Variants in IFI16 observed in about 807,000 individuals in gnomAD.
IFI16 encodes the protein gamma-interferon-inducible protein 16.
A neutral mutation model predicts 68.4 loss-of-function variants in IFI16; 49 were observed. That is an observed-to-expected ratio of 0.72 (90% confidence interval 0.57 to 0.91). The LOEUF (loss-of-function observed/expected upper bound fraction) is 0.91, where lower values mean the gene tolerates loss of function less well. Among genes scored for constraint, IFI16 ranks in the 40% least tolerant of loss-of-function variants. The probability of loss-of-function intolerance (pLI) is 0.00; values close to 1 mark genes in which losing one functional copy is unlikely to be tolerated. For synonymous variants in IFI16, 307 were observed against 315.0 expected (o/e 0.97, Z 0.27); for missense variants, 878 against 942.9 (o/e 0.93, Z 0.90).
chr1:159,013,121 C>A (rs1652677947), intron 1 of IFI16, among the ~76,000 whole-genome samples: 1 of 148,062 alleles, frequency 6.8e-6, no homozygotes, highest in Non-Finnish European at 1.5e-5. Flanking sequence ...TTCTCTGGAC[C>A]TTTTCAGTCC....
At chr1:159,015,282 C>T (rs1652848906) in intron 2 of IFI16, among the ~76,000 whole-genome samples, 1 of 152,068 alleles carries the variant, frequency 6.6e-6, no homozygotes, top group Admixed American at 6.6e-5. Context: ...TACATTTAGC[C>T]AATGAATGTA....
In IFI16 at chr1:159,055,068, G is replaced by GT. The variant is rs912956424; in HGVS notation, c.*176dup. ...GGGAGTGCTTTTTTAATTTTTCATA[G>GT]TTTTTTTTTAATAAAATGGCATATT... On this transcript the variant is annotated 3_prime_UTR_variant, in exon 12 of 12. Coordinates refer to ENST00000295809, the MANE Select transcript of IFI16 (RefSeq NM_001376587.1). 445 of 395,168 alleles carry GT rather than the reference G, an allele frequency of 1.1e-3. No individual in the cohort carries two copies. The highest frequency in any genetic ancestry group is 1.4e-3 in the South Asian group (12 of 8,636). The allele number at this position is 395,168 out of a possible 1,614,324, so 24.5% of individuals were successfully genotyped here. A position where few individuals can be genotyped will look rare whatever the true frequency, so the allele number is the denominator to read the frequency against.
intron 9 of IFI16, among the ~76,000 whole-genome samples, chr1:159,051,041 A>AT (rs1655325743): frequency 6.6e-6 from 1 of 151,986 alleles, no homozygotes; most frequent in African/African-American, 2.4e-5. Context: ...TAGTAATATG[A>AT]TTTTTTTCTC....
intron 6 of IFI16, among the ~76,000 whole-genome samples, chr1:159,026,637 C>A (rs60958912): frequency 1.3e-5 from 2 of 151,930 alleles, no homozygotes; most frequent in Non-Finnish European, 2.9e-5. Flanking sequence ...TACCCATCCC[C>A]GAGCATAGGA....
chr1:159,017,240 T>G (rs1413687597), intron 4 of IFI16, among the ~76,000 whole-genome samples: 1 of 152,178 alleles, frequency 6.6e-6, no homozygotes, highest in Non-Finnish European at 1.5e-5. Context: ...TGAGAAAGGC[T>G]ATGGTGGTGG....
chr1:159,005,097 C>T (rs76754363), upstream of IFI16, among the ~76,000 whole-genome samples: 7,056 of 152,150 alleles, frequency 0.046, 551 homozygotes, highest in African/African-American at 0.16. Flanking sequence ...CTCTAACGGG[C>T]ATGTAGGGGG....
upstream of IFI16, among the ~76,000 whole-genome samples, chr1:159,009,738 G>A (rs7511661): frequency 6.6e-6 from 1 of 152,100 alleles, no homozygotes; most frequent in Admixed American, 6.5e-5. Context: ...ATTTCAGTGT[G>A]CACATCACCC....
At chr1:159,008,856 A>C (rs1652375836), upstream of IFI16, 1 of 152,234 alleles carries the variant, frequency 6.6e-6, no homozygotes, top group African/African-American at 2.4e-5. Flanking sequence ...GGATTAAAAC[A>C]ATCAGCTTTC....
At chr1:159,029,936 C>G (rs2101864946) in intron 6 of IFI16, among the ~76,000 whole-genome samples, 1 of 148,792 alleles carries the variant, frequency 6.7e-6, no homozygotes, top group Middle Eastern at 3.4e-3. Flanking sequence ...CCTGCCTCAG[C>G]CTCCCAAAGT....
chr1:159,034,408 A>G (rs556835604), intron 7 of IFI16, among the ~76,000 whole-genome samples: 86 of 152,308 alleles, frequency 5.6e-4, no homozygotes, highest in African/African-American at 1.9e-3. Context: ...TTGTTGATCC[A>G]GGTGTAGAGA....
intron 7 of IFI16, among the ~76,000 whole-genome samples, chr1:159,042,857 C>T (rs1333276761): frequency 6.6e-6 from 1 of 152,142 alleles, no homozygotes; most frequent in Admixed American, 6.5e-5. Flanking sequence ...TGATATCACC[C>T]CCTGTGTTAC....
At chr1:159,032,733 A>C in intron 7 of IFI16, 42 bp downstream of exon 7, 1 of 1,476,840 alleles carries the variant, frequency 6.8e-7, no homozygotes, top group South Asian at 1.3e-5. Context: ...TCCCCACCAT[A>C]ATTTACAGGG....
Position 159,027,817 on chromosome 1 carries a change from T to G in IFI16, c.1162-4707T>G, listed in dbSNP as rs1291706865. Among the ~76,000 whole-genome samples the G allele has an allele frequency of 2.6e-5, 4 of 152,228 alleles. No individual in the cohort carries two copies. In the East Asian group the frequency reaches 7.7e-4, roughly 29 times the overall value. ...GCACATAAAGATGTTCATAGTTGCA[T>G]TGAATGATCTTTTGTATTTGTGTGA... On this transcript the variant is annotated intron_variant, in intron 6 of 11. Transcript: ENST00000295809.
At chr1:159,041,060 G>C (rs1654605231) in intron 7 of IFI16, among the ~76,000 whole-genome samples, 1 of 152,164 alleles carries the variant, frequency 6.6e-6, no homozygotes, top group South Asian at 2.1e-4. Flanking sequence ...TCTCATCAGA[G>C]AGCCACAGCA....
chr1:159,013,162 CTTTTTTTTT>C (rs59743054), intron 1 of IFI16, among the ~76,000 whole-genome samples: 6 of 54,646 alleles, frequency 1.1e-4, no homozygotes, highest in Non-Finnish European at 1.3e-4. Flanking sequence ...AAGAAGGAAG[CTTTTTTTTT>C]TTTTTTTTTT....
chr1:159,015,751 A>G, intron 2 of IFI16, 121 bp from the exon 3 acceptor site: 2 of 705,832 alleles, frequency 2.8e-6, no homozygotes, highest in Admixed American at 4.9e-5. Context: ...ACTAAAGCAC[A>G]GCTGAACCCT....
intron 9 of IFI16, 40 bp from the exon 10 acceptor site, chr1:159,051,639 T>G: frequency 1.3e-6 from 2 of 1,521,946 alleles, no homozygotes; most frequent in Non-Finnish European, 1.8e-6. Flanking sequence ...CTGTTTTTCC[T>G]GTTTTAATTG....
chr1:159,028,360 TGTA>T (rs1224668533), intron 6 of IFI16, among the ~76,000 whole-genome samples: 3 of 152,204 alleles, frequency 2.0e-5, no homozygotes, highest in Non-Finnish European at 4.4e-5. Flanking sequence ...TTTATTCCAC[TGTA>T]GTCTGAGAGA....
intron 7 of IFI16, among the ~76,000 whole-genome samples, chr1:159,034,734 TCC>T (rs1654216806): frequency 6.6e-6 from 1 of 152,152 alleles, no homozygotes; most frequent in Non-Finnish European, 1.5e-5. Flanking sequence ...TCTCTGGTCC[TCC>T]CTTTGTGAGC....
Sources: gnomAD v4.1 joint callset for allele counts (sites outside exome capture counted in the v4.1 genomes callset) on GRCh38, gnomAD v4.1.1 for gene constraint, MANE v1.5 for transcripts, NCBI Gene and HGNC (gene_info 2026-07-23, HGNC 2026-07-21) for gene names.